PCK2: variants seen among roughly 807,000 people sequenced by gnomAD.
PCK2 encodes phosphoenolpyruvate carboxykinase [GTP], mitochondrial.
PCK2 carries 56 observed loss-of-function variants against 65.9 expected under a neutral mutation model. The ratio of observed to expected loss-of-function variants is 0.85; its 90% CI spans 0.69 to 1.06. PCK2 has a LOEUF of 1.06. Among genes scored for constraint, PCK2 ranks in the 50% least tolerant of loss-of-function variants. PCK2 has a pLI of 0.00. For missense variants in PCK2, 843 were observed against 863.1 expected, an observed-to-expected ratio of 0.98 and a Z score of 0.29; for synonymous variants, 305 against 319.6, an observed-to-expected ratio of 0.95 and a Z score of 0.49.
chr14:24,096,212 A>T (rs1427544359), intron 1 of PCK2, among the ~76,000 whole-genome samples: 7 of 150,506 alleles, frequency 4.7e-5, no homozygotes, highest in African/African-American at 1.7e-4. Flanking sequence ...CTTGGGCCAA[A>T]GGCCCCTACT....
At chr14:24,102,708 T>G in intron 7 of PCK2, 45 bp from the exon 8 acceptor site, 2 of 1,558,190 alleles carry the variant, frequency 1.3e-6, no homozygotes, top group Non-Finnish European at 1.8e-6. Flanking sequence ...GTGTTGGGGG[T>G]CGACATGACC....
At chr14:24,103,036 A>T in intron 8 of PCK2, 124 bp from the exon 9 acceptor site, 1 of 1,185,746 alleles carries the variant, frequency 8.4e-7, no homozygotes, top group South Asian at 1.3e-5. Flanking sequence ...GGGAGGAGGC[A>T]AAGGGTCTGA....
At chr14:24,096,556 C>T (rs1043605380) in intron 1 of PCK2, among the ~76,000 whole-genome samples, 6 of 152,056 alleles carry the variant, frequency 3.9e-5, no homozygotes, top group African/African-American at 1.4e-4. Flanking sequence ...TATTTCTAAA[C>T]GTTGATTAAA....
At position 24,094,466 on chromosome 14, in the gene PCK2, A is replaced by C; in HGVS notation, c.29+32A>C. ...GACCCCCGGCCCGGGGCCCACCCGC[A>C]CCTTCCGCTGCGCTCGCCCCCTCGG... On this transcript the variant is annotated intron_variant, in intron 1 of 9. Transcript: ENST00000216780. This position sits in a 1 kb window ranked among gnomAD's most constrained non-coding sequence, Gnocchi z 4.1. 6.6e-7 allele frequency: 1 copy of C among 1,509,838 alleles called. No individual in the cohort carries two copies. 93.5% of individuals were successfully genotyped at this position (1,509,838 alleles called of 1,614,324 possible). A position where few individuals can be genotyped will look rare whatever the true frequency, so the allele number is the denominator to read the frequency against.
intron 1 of PCK2, among the ~76,000 whole-genome samples, chr14:24,096,589 A>G (rs1301682375): frequency 1.3e-5 from 2 of 152,190 alleles, no homozygotes; most frequent in South Asian, 2.1e-4. Context: ...GGCATGGGCT[A>G]CACAGGCAGT....
chr14:24,095,368 AACAG>A, intron 1 of PCK2: 1 of 400,312 alleles, frequency 2.5e-6, no homozygotes, highest in South Asian at 1.8e-5. Flanking sequence ...CTGAGGCAGG[AACAG>A]ACCCAGGTCC....
At chr14:24,095,140 C>T (rs1479388730) in intron 1 of PCK2, 2 of 456,020 alleles carry the variant, frequency 4.4e-6, no homozygotes, top group African/African-American at 4.0e-5. Context: ...CCTCTCTTCT[C>T]AGCTTTTGTC....
At chr14:24,103,081 C>A (rs1461351441) in intron 8 of PCK2, 79 bp from the exon 9 acceptor site, 5 of 1,262,990 alleles carry the variant, frequency 4.0e-6, no homozygotes, top group Non-Finnish European at 5.8e-6. Flanking sequence ...AGAGAGAGTA[C>A]CAGTCAAGCT....
chr14:24,096,395 C>T (rs1056049519), intron 1 of PCK2, among the ~76,000 whole-genome samples: 1 of 151,990 alleles, frequency 6.6e-6, no homozygotes, highest in African/African-American at 2.4e-5. Context: ...CACGCCACCA[C>T]ATCCGGCTAA....
chr14:24,097,389 GA>G (rs529973280), intron 2 of PCK2, among the ~76,000 whole-genome samples: 3,630 of 118,620 alleles, frequency 0.031, 51 homozygotes, highest in African/African-American at 0.039. Context: ...CGTCTCTACT[GA>G]AAAAAAAAAA....
rs1221659412 is a variant in PCK2 at position 24,103,756 on chromosome 14, C to G, written c.1715C>G (p.Pro572Arg). The change falls in exon 10 of 10, where the codon CCC (proline) becomes CGC (arginine). Residue 572 changes from proline to arginine, a missense_variant. Physicochemically the swap from Pro to Arg is moderately radical, Grantham distance 103. Transcript: ENST00000216780. ...GGGGAGGACAGTGCCCGAGAGACAC[C>G]CATTGGGCTGGTGCCAAAGGAAGGA... ...LEGEDSARET[P>R]IGLVPKEGAL... The G allele has an allele frequency of 2.5e-6, 4 of 1,614,026 alleles. No individual in the cohort carries two copies. The African/African-American group carries it at 4.0e-5, about 16-fold the overall frequency.
chr14:24,102,729 T>C (rs180748619), intron 7 of PCK2, 24 bp from the exon 8 acceptor site: 23 of 1,602,680 alleles, frequency 1.4e-5, no homozygotes, highest in Non-Finnish European at 1.8e-5. Context: ...TTGGAAATAA[T>C]AGTGTTTGTA....
At position 24,099,649 on chromosome 14, in the gene PCK2, G is replaced by A. The variant is rs777809319; in HGVS notation, c.944G>A (p.Arg315Gln). 1.4e-5 allele frequency: 22 copies of A among 1,613,460 alleles called. No individual in the cohort carries two copies. The highest frequency in any genetic ancestry group is 3.3e-4 in the Middle Eastern group (2 of 6,062). Residue 315 changes from arginine (R) to glutamine (Q), a missense_variant, in exon 6 of 10, where the codon CGG becomes CAG. Physicochemically the swap from Arg to Gln is conservative, Grantham distance 43. Transcript: ENST00000216780. ...GGCAAGACCAACCTGGCTATGATGC[G>A]GCCTGCACTGCCAGGCTGGAAAGTG... is the stretch of plus-strand genomic sequence containing the variant. ...ACGKTNLAMM[R>Q]PALPGWKVEC...
chr14:24,098,731 G>T (rs950736644), intron 4 of PCK2, 53 bp downstream of exon 4: 1 of 1,488,072 alleles, frequency 6.7e-7, no homozygotes, highest in Non-Finnish European at 9.3e-7. Context: ...TGTACTCAGA[G>T]GAAATCCCAA....
At position 24,094,341 on chromosome 14, in the gene PCK2, C is replaced by G. The variant is rs545115566; in HGVS notation, c.-65C>G. ...TCGCTTCGCCGCGCTCCCTCCTTCC[C>G]CGCCTTCCATACCTCCCCGGCTCCG... On this transcript the variant is annotated 5_prime_UTR_variant, in exon 1 of 10. Coordinates refer to ENST00000216780, the MANE Select transcript of PCK2 (RefSeq NM_004563.4). This position sits in a 1 kb window ranked among gnomAD's most constrained non-coding sequence, Gnocchi z 4.1. The G allele has an allele frequency of 1.4e-6, 2 of 1,471,728 alleles. No individual in the cohort carries two copies. Among genetic ancestry groups the G allele is most frequent in the South Asian group, 2.4e-5 (2 of 82,496 alleles). 91.2% of individuals were successfully genotyped at this position (1,471,728 alleles called of 1,614,324 possible).
At chr14:24,102,638 G>A in intron 7 of PCK2, 115 bp from the exon 8 acceptor site, 1 of 834,220 alleles carries the variant, frequency 1.2e-6, no homozygotes, top group South Asian at 1.7e-5. Context: ...AAGGTTCTAG[G>A]CAGCTGATGA....
Position 24,103,719 on chromosome 14 carries a change from C to A in PCK2, c.1678C>A (p.Arg560=). ...ENARVLDWIC[R]RLEGEDSARE... is the part of the protein sequence containing the mutation. ...TGCTCGGGTGCTAGACTGGATCTGC[C>A]GGCGGTTAGAGGGGGAGGACAGTGC... The change falls in exon 10 of 10, where the codon CGG becomes AGG. Residue 560 remains arginine, a synonymous_variant. Transcript: ENST00000216780. 1 of 1,614,136 alleles carries A rather than the reference C, an allele frequency of 6.2e-7. No individual in the cohort carries two copies. Among genetic ancestry groups the A allele is most frequent in the South Asian group, 1.1e-5 (1 of 91,086 alleles).
In PCK2 at chr14:24,094,653, T is replaced by C. The variant is rs2036776190; in HGVS notation, c.29+219T>C. 1 of 1,499,800 alleles carries C rather than the reference T, an allele frequency of 6.7e-7. No homozygotes were observed. Among genetic ancestry groups the C allele is most frequent in the Non-Finnish European group, 8.9e-7 (1 of 1,126,286 alleles). 92.9% of individuals were successfully genotyped at this position (1,499,800 alleles called of 1,614,324 possible). A position where few individuals can be genotyped will look rare whatever the true frequency, so the allele number is the denominator to read the frequency against. On this transcript the variant is annotated intron_variant, in intron 1 of 9. Transcript: ENST00000216780. The surrounding 1 kb of genome is among the most constrained non-coding windows in gnomAD (Gnocchi z 4.1). ...GTTTCCGCCTGCACCTCCCCTTCTCTGCCTCGCTCGCCTCTGACCGCGCGA... is the reference window on the plus strand; with the variant it reads ...GTTTCCGCCTGCACCTCCCCTTCTCCGCCTCGCTCGCCTCTGACCGCGCGA...
rs761942693 is a variant in PCK2, at chr14:24,102,757, C to CA, written c.1241dup (p.Glu415GlyfsTer33). ...TGTTTGTATTTCCTCTGCCAGGTGA[C>CA]AAGGAGCCCTGTGCACATCCCAACT... On this transcript the variant is annotated frameshift_variant, in exon 8 of 10. Transcript: ENST00000216780. LOFTEE classifies it high-confidence loss of function. 2.5e-6 allele frequency: 4 copies of CA among 1,613,044 alleles called. No homozygotes were observed. Among genetic ancestry groups the CA allele is most frequent in the Non-Finnish European group, 3.4e-6 (4 of 1,179,396 alleles).
Sources: gnomAD v4.1 joint callset for allele counts (sites outside exome capture counted in the v4.1 genomes callset) on GRCh38, gnomAD v4.1.1 for gene constraint, Gnocchi (gnomAD v3.1) non-coding constraint, MANE v1.5 for transcripts, NCBI Gene and HGNC (gene_info 2026-07-23, HGNC 2026-07-21) for gene names.